TNRC6A: variants seen among roughly 807,000 people sequenced by gnomAD.
The protein encoded by TNRC6A is trinucleotide repeat-containing gene 6A protein.
TNRC6A carries 44 observed loss-of-function variants against 221.2 expected under a neutral mutation model. The ratio of observed to expected loss-of-function variants is 0.20; its 90% confidence interval spans 0.16 to 0.26. TNRC6A has a LOEUF of 0.26. TNRC6A is among the 10% of genes least tolerant of loss of function. TNRC6A has a pLI of 1.00. For synonymous variants in TNRC6A, 847 were observed against 838.5 expected (o/e 1.01, Z -0.18); for missense variants, 2,199 against 2,404.4 (o/e 0.91, Z 1.79).
chr16:24,694,228 C>T (rs748511520), intron 2 of TNRC6A, among the ~76,000 whole-genome samples: 27 of 152,108 alleles, frequency 1.8e-4, no homozygotes, highest in Admixed American at 1.5e-3. Context: ...GGTGGACACT[C>T]GGTCTCTTGC....
intron 2 of TNRC6A, among the ~76,000 whole-genome samples, chr16:24,696,236 T>A (rs912457313): frequency 6.6e-6 from 1 of 151,062 alleles, no homozygotes; most frequent in Non-Finnish European, 1.5e-5. Context: ...TAGTCCCAGC[T>A]ACTCGGGAGG....
intron 9 of TNRC6A, 95 bp downstream of exon 9, chr16:24,796,034 GGTAC>G (rs1408529715): frequency 6.4e-6 from 9 of 1,397,036 alleles, no homozygotes; most frequent in African/African-American, 1.4e-5. Flanking sequence ...CTGTGTGCCA[GGTAC>G]TGTGCTTGGT....
At chr16:24,696,176 G>A (rs536739072) in intron 2 of TNRC6A, among the ~76,000 whole-genome samples, 3 of 151,822 alleles carry the variant, frequency 2.0e-5, no homozygotes, top group Non-Finnish European at 4.4e-5. Context: ...GTGAAACCCC[G>A]TCTCTACTAA....
intron 2 of TNRC6A, among the ~76,000 whole-genome samples, chr16:24,682,389 C>CATT (rs1555488920): frequency 2.3e-5 from 3 of 130,414 alleles, no homozygotes; most frequent in Non-Finnish European, 4.8e-5. Flanking sequence ...CCACGCCCAG[C>CATT]TTTTTTTTTT....
exon 1 of TNRC6A, chr16:24,610,444 G>A (rs1899993104): frequency 6.6e-6 from 1 of 152,254 alleles, no homozygotes; most frequent in African/African-American, 2.4e-5. Context: ...GCCCCCAGGA[G>A]CGGTGCCCCA....
chr16:24,817,042 C>CT, intron 20 of TNRC6A, 86 bp downstream of exon 20: 2 of 1,395,496 alleles, frequency 1.4e-6, no homozygotes, highest in South Asian at 3.4e-5. Flanking sequence ...CTCTGGGCGA[C>CT]TGAGCCCAGG....
At chr16:24,629,984 T>G (rs1380411142) in intron 1 of TNRC6A, among the ~76,000 whole-genome samples, 1 of 148,236 alleles carries the variant, frequency 6.7e-6, no homozygotes, top group Admixed American at 6.7e-5. Context: ...AAAAAAAAAA[T>G]GCACATAACA....
At chr16:24,641,657 A>T (rs1490022066) in intron 2 of TNRC6A, among the ~76,000 whole-genome samples, 1 of 152,162 alleles carries the variant, frequency 6.6e-6, no homozygotes, top group Non-Finnish European at 1.5e-5. Context: ...AACAAAATCT[A>T]CCTTTGGTAC....
chr16:24,705,694 A>G (rs924644986), intron 2 of TNRC6A, among the ~76,000 whole-genome samples: 1 of 152,212 alleles, frequency 6.6e-6, no homozygotes, highest in African/African-American at 2.4e-5. Flanking sequence ...AGAGACTACA[A>G]GAATATTTAA....
rs1445918921 is a variant in TNRC6A at position 24,776,461 on chromosome 16, GTGT to G, written c.164-467_164-465del. The stretch of plus-strand genomic sequence containing the variant: ...AACCAGCAGGTTGTTTTCTAACCTT[GTGT>G]TGTTCTTGTGTTGTCTTCCAAAGAT... On this transcript the variant is annotated intron_variant, in intron 4 of 24. Coordinates refer to ENST00000395799, the MANE Select transcript of TNRC6A (RefSeq NM_014494.4). The G allele has an allele frequency of 2.1e-4, 203 of 985,416 alleles. No homozygotes were observed. In the Middle Eastern group the frequency reaches 3.7e-3, roughly 18 times the overall value. The allele number at this position is 985,416 out of a possible 1,614,324, so 61.0% of individuals were successfully genotyped here. A position where few individuals can be genotyped will look rare whatever the true frequency, so the allele number is the denominator to read the frequency against.
At chr16:24,727,448 T>A (rs978493736), upstream of TNRC6A, among the ~76,000 whole-genome samples, 3 of 152,172 alleles carry the variant, frequency 2.0e-5, no homozygotes, top group Non-Finnish European at 4.4e-5. Context: ...GTCCTACGCA[T>A]CGTAGAATAT....
chr16:24,752,445 C>CCTTT (rs1209035549), intron 3 of TNRC6A, among the ~76,000 whole-genome samples: 1 of 152,112 alleles, frequency 6.6e-6, no homozygotes, highest in African/African-American at 2.4e-5. Flanking sequence ...TAGCCACCTG[C>CCTTT]CTTTTGCTTG....
At chr16:24,741,155 C>G (rs1249904191) in intron 2 of TNRC6A, among the ~76,000 whole-genome samples, 3 of 152,196 alleles carry the variant, frequency 2.0e-5, no homozygotes, top group East Asian at 3.8e-4. Flanking sequence ...CACACGCACT[C>G]TCTTTTTTCT....
chr16:24,652,734 T>C (rs546358512), intron 2 of TNRC6A, among the ~76,000 whole-genome samples: 2 of 152,310 alleles, frequency 1.3e-5, no homozygotes, highest in African/African-American at 4.8e-5. Flanking sequence ...AAGAGTGTTT[T>C]GGGATCCTCA....
intron 1 of TNRC6A, among the ~76,000 whole-genome samples, chr16:24,625,418 C>T (rs1412419255): frequency 2.6e-5 from 4 of 152,090 alleles, no homozygotes; most frequent in East Asian, 1.9e-4. Flanking sequence ...TCGAGACCAG[C>T]CTGACCAACA....
intron 2 of TNRC6A, among the ~76,000 whole-genome samples, chr16:24,642,583 C>T (rs946041483): frequency 6.6e-6 from 1 of 152,166 alleles, no homozygotes; most frequent in Admixed American, 6.5e-5. Flanking sequence ...TTTGGGAGGC[C>T]GAGGTGGGAG....
Position 24,794,737 on chromosome 16 carries a change from A to T in TNRC6A, c.3528+18A>T. ...CATCGAAGGTAAACATTTCAAGGGCAAAGCCCTTGAAACTTTAAATTCCAA... is the reference window on the plus strand; with the variant it reads ...CATCGAAGGTAAACATTTCAAGGGCTAAGCCCTTGAAACTTTAAATTCCAA... On this transcript the variant is annotated intron_variant, in intron 8 of 24. Transcript: ENST00000395799. The T allele has an allele frequency of 1.9e-6, 3 of 1,578,892 alleles. No individual in the cohort carries two copies. The highest frequency in any genetic ancestry group is 2.6e-6 in the Non-Finnish European group (3 of 1,167,626).
At chr16:24,612,567 C>G (rs1900109387) in intron 1 of TNRC6A, among the ~76,000 whole-genome samples, 1 of 147,714 alleles carries the variant, frequency 6.8e-6, no homozygotes, top group Non-Finnish European at 1.5e-5. Flanking sequence ...GGCAACATGG[C>G]AAAACCTCAT....
chr16:24,793,631 C>A lies in TNRC6A; in HGVS notation c.3334C>A (p.Gln1112Lys). ...GTGGGGCTCCAGCTCTGTTGGTCCACAAGCATTAAGCAAATCTGGTAAGTT... is the reference window on the plus strand; with the variant it reads ...GTGGGGCTCCAGCTCTGTTGGTCCAAAAGCATTAAGCAAATCTGGTAAGTT... ...STWGSSSVGP[Q>K]ALSKSGPKSM... Residue 1112 changes from glutamine to lysine, a missense_variant, in exon 7 of 25, where the codon CAA becomes AAA. Gln to Lys is a moderately conservative substitution (Grantham distance 53). Coordinates refer to ENST00000395799, the MANE Select transcript of TNRC6A (RefSeq NM_014494.4). 6.6e-7 allele frequency: 1 copy of A among 1,514,198 alleles called. No homozygotes were observed. 93.8% of individuals were successfully genotyped at this position (1,514,198 alleles called of 1,614,324 possible).
Sources: gnomAD v4.1 joint callset for allele counts (sites outside exome capture counted in the v4.1 genomes callset) on GRCh38, gnomAD v4.1.1 for gene constraint, MANE v1.5 for transcripts, NCBI Gene and HGNC (gene_info 2026-07-23, HGNC 2026-07-21) for gene names.